Variants in NTRK2 observed in about 807,000 individuals in gnomAD.
The protein encoded by NTRK2 is BDNF/NT-3 growth factors receptor.
In NTRK2, 13 loss-of-function variants were observed where a neutral mutation model predicts 94.5. The ratio of observed to expected loss-of-function variants is 0.14; its 90% CI spans 0.09 to 0.22. NTRK2 has a LOEUF of 0.22. Ranked by LOEUF, NTRK2 falls within the 10% of genes least tolerant of loss-of-function variation. The pLI is 1.00. For synonymous variants in NTRK2, 372 were observed against 407.4 expected (o/e 0.91, Z 1.05); for missense variants, 639 against 1,071.2 (o/e 0.60, Z 5.63).
At chr9:84,905,085 G>A (rs1324049565) in intron 14 of NTRK2, among the ~76,000 whole-genome samples, 3 of 152,170 alleles carry the variant, frequency 2.0e-5, no homozygotes, top group Admixed American at 2.0e-4. Context: ...CCACATTCAC[G>A]AGAAAGAATT....
At chr9:84,753,592 C>A (rs2064830058) in intron 12 of NTRK2, among the ~76,000 whole-genome samples, 1 of 152,166 alleles carries the variant, frequency 6.6e-6, no homozygotes, top group South Asian at 2.1e-4. Context: ...ACCAAACTCA[C>A]CCACAGCTTT....
At chr9:84,705,020 G>A (rs181368870) in intron 4 of NTRK2, among the ~76,000 whole-genome samples, 2 of 152,026 alleles carry the variant, frequency 1.3e-5, no homozygotes, top group South Asian at 2.1e-4. Context: ...CAACGCAGTG[G>A]GGTGCAAGGG....
intron 12 of NTRK2, among the ~76,000 whole-genome samples, chr9:84,855,597 T>TGTCTA (rs1224490532): frequency 6.6e-6 from 1 of 151,798 alleles, no homozygotes; most frequent in East Asian, 1.9e-4. Flanking sequence ...TTTTTTTTTT[T>TGTCTA]TGTCTACATC....
At chr9:84,942,489 C>G (rs369685438) in intron 15 of NTRK2, among the ~76,000 whole-genome samples, 88 of 152,152 alleles carry the variant, frequency 5.8e-4, no homozygotes, top group African/African-American at 2.0e-3. Context: ...CCAACATTCC[C>G]AAGAAAGAGG....
chr9:85,013,780 C>T (rs1214107108), intron 17 of NTRK2, among the ~76,000 whole-genome samples: 2 of 152,302 alleles, frequency 1.3e-5, no homozygotes, highest in Non-Finnish European at 2.9e-5. Context: ...CCTCTGACAG[C>T]TAATCATCTC....
At position 84,945,136 on chromosome 9, in the gene NTRK2, T is replaced by G. The variant is rs77755476; in HGVS notation, c.1765-3326T>G. 1.2e-3 allele frequency among the ~76,000 whole-genome samples: 190 copies of G among 152,326 alleles called. 1 individual carries two copies. The East Asian group carries it at 0.028, about 22-fold the overall frequency. On this transcript the variant is annotated intron_variant, in intron 15 of 18. Coordinates refer to ENST00000277120, the MANE Select transcript of NTRK2 (RefSeq NM_006180.6). ...GCATTTGGGCAGCTCCCCTCAGCCT[T>G]GGAAACAAGTCCTTTCACTTGGTTT... is the stretch of plus-strand genomic sequence containing the variant.
intron 12 of NTRK2, among the ~76,000 whole-genome samples, chr9:84,793,295 C>CAAA (rs112839690): frequency 1.3e-5 from 2 of 150,694 alleles, no homozygotes; most frequent in African/African-American, 4.9e-5. Context: ...GAAAACAATC[C>CAAA]AAAAAAAAAA....
intron 12 of NTRK2, among the ~76,000 whole-genome samples, chr9:84,764,332 A>G (rs959785517): frequency 1.3e-5 from 2 of 152,218 alleles, no homozygotes; most frequent in African/African-American, 4.8e-5. Context: ...CCTAAAAGCT[A>G]CTTAATTTCT....
chr9:84,807,252 G>A lies in NTRK2; in HGVS notation c.1397-53788G>A, dbSNP rs115106077. Among the ~76,000 whole-genome samples the A allele has an allele frequency of 3.6e-3, 552 of 152,246 alleles. 5 individuals carry two copies. Among genetic ancestry groups the A allele is most frequent in the African/African-American group, 0.013 (520 of 41,552 alleles). On this transcript the variant is annotated intron_variant, in intron 12 of 18. Coordinates refer to ENST00000277120, the MANE Select transcript of NTRK2 (RefSeq NM_006180.6). ...CTTGAATGTAAATAAATTTAAATGG[G>A]TTGTGAGCCAATGATAAAAAAGCAG...
intron 2 of NTRK2, among the ~76,000 whole-genome samples, chr9:84,675,245 A>G (rs751877410): frequency 4.7e-4 from 71 of 150,004 alleles, no homozygotes; most frequent in Admixed American, 9.3e-4. Context: ...AGGTCATAGG[A>G]GTATAAAAAC....
chr9:84,809,767 A>G, intron 12 of NTRK2, among the ~76,000 whole-genome samples: 1 of 151,542 alleles, frequency 6.6e-6, no homozygotes, highest in Non-Finnish European at 1.5e-5. Context: ...CTATAATCCC[A>G]GCTACTTGGG....
intron 16 of NTRK2, among the ~76,000 whole-genome samples, chr9:84,952,131 A>G (rs1823532168): frequency 6.6e-6 from 1 of 152,246 alleles, no homozygotes; most frequent in African/African-American, 2.4e-5. Flanking sequence ...GTTTCAGGGT[A>G]TAAACCATCC....
chr9:84,837,607 A>T (rs1157169573), intron 12 of NTRK2, among the ~76,000 whole-genome samples: 1 of 152,222 alleles, frequency 6.6e-6, no homozygotes, highest in East Asian at 1.9e-4. Context: ...AATAGAGAAT[A>T]AAAAGATAAA....
chr9:84,980,704 A>C (rs564751916), intron 17 of NTRK2, among the ~76,000 whole-genome samples: 1 of 152,328 alleles, frequency 6.6e-6, no homozygotes, highest in South Asian at 2.1e-4. Context: ...AGAGGTCCCT[A>C]CCCATCATCC....
At chr9:84,864,224 G>A (rs1013073025) in intron 13 of NTRK2, among the ~76,000 whole-genome samples, 12 of 152,154 alleles carry the variant, frequency 7.9e-5, no homozygotes, top group Admixed American at 7.9e-4. Context: ...TGGGGTCAAT[G>A]CATTTCTAAT....
intron 14 of NTRK2, among the ~76,000 whole-genome samples, chr9:84,915,865 C>T (rs1175435624): frequency 6.6e-6 from 1 of 152,102 alleles, no homozygotes; most frequent in East Asian, 1.9e-4. Context: ...TATGTGACTT[C>T]TTAACTGAAA....
At chr9:84,873,801 C>T in intron 14 of NTRK2, 2 of 1,057,172 alleles carry the variant, frequency 1.9e-6, no homozygotes, top group South Asian at 4.6e-5. Flanking sequence ...GAAATATCAC[C>T]CAAGTATAGT....
chr9:84,707,011 T>C (rs2061144295), intron 4 of NTRK2, among the ~76,000 whole-genome samples: 1 of 152,236 alleles, frequency 6.6e-6, no homozygotes, highest in African/African-American at 2.4e-5. Flanking sequence ...CATCGGATAC[T>C]CTTTAAATAA....
chr9:84,819,265 C>T (rs969507925), intron 12 of NTRK2, among the ~76,000 whole-genome samples: 6 of 152,164 alleles, frequency 3.9e-5, no homozygotes, highest in South Asian at 2.1e-4. Context: ...ACATAGGCCA[C>T]GGCTGTTTGC....
Sources: gnomAD v4.1 joint callset for allele counts (sites outside exome capture counted in the v4.1 genomes callset) on GRCh38, gnomAD v4.1.1 for gene constraint, MANE v1.5 for transcripts, NCBI Gene and HGNC (gene_info 2026-07-23, HGNC 2026-07-21) for gene names.